Variants in SUGCT observed in about 807,000 individuals in gnomAD.
The protein encoded by SUGCT is succinyl-CoA:glutarate CoA-transferase.
SUGCT carries 41 observed loss-of-function variants against 55.0 expected under a neutral mutation model. That is an observed-to-expected ratio of 0.74 (90% CI 0.58 to 0.97). The LOEUF is 0.97. SUGCT is among the 50% of genes least tolerant of loss of function. The probability of loss-of-function intolerance (pLI) is 0.00; values close to 1 mark genes in which losing one functional copy is unlikely to be tolerated. For missense variants in SUGCT, 568 were observed against 547.8 expected (o/e 1.04, Z -0.37); for synonymous variants, 187 against 200.4 (o/e 0.93, Z 0.56).
chr7:40,411,544 T>A (rs766998372), intron 9 of SUGCT, among the ~76,000 whole-genome samples: 10 of 152,146 alleles, frequency 6.6e-5, no homozygotes, highest in African/African-American at 9.7e-5. Flanking sequence ...GATGTCCTCA[T>A]TGACATGCGG....
intron 12 of SUGCT, among the ~76,000 whole-genome samples, chr7:40,589,103 GTCACT>G (rs1393212296): frequency 6.6e-6 from 1 of 152,022 alleles, no homozygotes; most frequent in African/African-American, 2.4e-5. Context: ...ATAGCAGCTT[GTCACT>G]CTGTTTAGTA....
At chr7:40,667,984 C>G (rs1057376563) in intron 12 of SUGCT, among the ~76,000 whole-genome samples, 4 of 151,918 alleles carry the variant, frequency 2.6e-5, no homozygotes, top group African/African-American at 9.7e-5. Context: ...TATTTGATAC[C>G]AAGAAACCTG....
chr7:40,269,891 CT>C (rs922001049), intron 7 of SUGCT, among the ~76,000 whole-genome samples: 64 of 152,190 alleles, frequency 4.2e-4, no homozygotes, highest in African/African-American at 1.4e-3. Flanking sequence ...AATCCCAGCA[CT>C]TTGGGAGGCC....
intron 12 of SUGCT, among the ~76,000 whole-genome samples, chr7:40,614,440 C>G (rs1204653833): frequency 6.6e-6 from 1 of 152,178 alleles, no homozygotes; most frequent in African/African-American, 2.4e-5. Flanking sequence ...AGGAGACAAT[C>G]ATATGCTGAC....
intron 12 of SUGCT, among the ~76,000 whole-genome samples, chr7:40,725,849 T>C (rs1312353935): frequency 2.0e-5 from 3 of 152,178 alleles, no homozygotes; most frequent in Admixed American, 6.5e-5. Flanking sequence ...TTTATAGCCT[T>C]GATTTTTAAG....
chr7:40,907,096 A>AGTGTGTGTGTGT, the SUGCT span, among the ~76,000 whole-genome samples: 1 of 101,670 alleles, frequency 9.8e-6, no homozygotes, highest in Non-Finnish European at 2.0e-5. Context: ...TTGTTCTGAT[A>AGTGTGTGTGTGT]GTGTGTGTGT....
intron 6 of SUGCT, among the ~76,000 whole-genome samples, chr7:40,219,401 C>T (rs1303553674): frequency 6.6e-6 from 1 of 152,180 alleles, no homozygotes; most frequent in African/African-American, 2.4e-5. Context: ...AGGTGCTCTT[C>T]AAAATTATTA....
intron 1 of SUGCT, among the ~76,000 whole-genome samples, chr7:40,176,165 G>A (rs1784913052): frequency 6.6e-6 from 1 of 151,990 alleles, no homozygotes; most frequent in African/African-American, 2.4e-5. Context: ...CCGGGAGGTG[G>A]AGGTTGCAGT....
At chr7:40,973,832 T>C in the SUGCT span, among the ~76,000 whole-genome samples, 2 of 152,260 alleles carry the variant, frequency 1.3e-5, no homozygotes, top group Non-Finnish European at 2.9e-5. Flanking sequence ...CACCAAAGCA[T>C]ATAACCCAAG....
chr7:40,975,695 C>T, the SUGCT span, among the ~76,000 whole-genome samples: 1 of 152,144 alleles, frequency 6.6e-6, no homozygotes, highest in East Asian at 1.9e-4. Flanking sequence ...CATCTTGCAG[C>T]CCACAGGGTT....
chr7:40,511,448 A>G (rs1295479905), intron 12 of SUGCT, among the ~76,000 whole-genome samples: 1 of 152,204 alleles, frequency 6.6e-6, no homozygotes, highest in Non-Finnish European at 1.5e-5. Flanking sequence ...CCTAACCCAG[A>G]GAAGAGAACA....
chr7:40,209,987 A>G (rs1387218478), intron 6 of SUGCT, among the ~76,000 whole-genome samples: 1 of 152,090 alleles, frequency 6.6e-6, no homozygotes, highest in East Asian at 1.9e-4. Flanking sequence ...ACAAATCTTC[A>G]CCTTAGTTAG....
chr7:40,813,586 T>C (rs1298313821), intron 13 of SUGCT, among the ~76,000 whole-genome samples: 2 of 152,314 alleles, frequency 1.3e-5, no homozygotes, highest in African/African-American at 2.4e-5. Flanking sequence ...TCCAAGTCTT[T>C]ACTTTGAGCC....
chr7:40,726,739 G>C (rs183023942), intron 12 of SUGCT, among the ~76,000 whole-genome samples: 112 of 152,296 alleles, frequency 7.4e-4, no homozygotes, highest in Non-Finnish European at 2.1e-4. Flanking sequence ...CAATGGGTTG[G>C]CTTACCGCCA....
At chr7:40,568,709 T>A (rs1796278657) in intron 12 of SUGCT, among the ~76,000 whole-genome samples, 1 of 152,234 alleles carries the variant, frequency 6.6e-6, no homozygotes, top group Admixed American at 6.5e-5. Flanking sequence ...TCAGGTGAAG[T>A]TAATATTTAT....
At chr7:40,207,746 G>A (rs1050144959) in intron 6 of SUGCT, among the ~76,000 whole-genome samples, 11 of 151,972 alleles carry the variant, frequency 7.2e-5, no homozygotes, top group Non-Finnish European at 1.5e-4. Context: ...GAAACCCAGA[G>A]GCAGAGACTG....
chr7:40,293,645 G>C (rs918718806), intron 8 of SUGCT, among the ~76,000 whole-genome samples: 8 of 152,214 alleles, frequency 5.3e-5, no homozygotes, highest in African/African-American at 1.9e-4. Flanking sequence ...TAGCACCCCA[G>C]ATAACTCTGA....
chr7:40,295,736 T>A (rs1794094948), intron 8 of SUGCT, among the ~76,000 whole-genome samples: 1 of 152,234 alleles, frequency 6.6e-6, no homozygotes. Context: ...TATGTCATAA[T>A]GTAAACATTG....
intron 9 of SUGCT, among the ~76,000 whole-genome samples, chr7:40,433,086 A>G (rs371334412): frequency 6.6e-6 from 1 of 152,068 alleles, no homozygotes; most frequent in Non-Finnish European, 1.5e-5. Context: ...CAAGTCTGCT[A>G]TTGAATCTCT....
Sources: allele counts gnomAD v4.1 joint callset (sites outside exome capture counted in the v4.1 genomes callset), GRCh38; gene constraint gnomAD v4.1.1; transcripts MANE v1.5; gene names NCBI Gene and HGNC (gene_info 2026-07-23, HGNC 2026-07-21).